Variants in WDR90 observed in about 807,000 individuals in gnomAD.
WDR90 encodes WD repeat-containing protein 90.
Under a neutral mutation model 195.2 loss-of-function variants are expected in WDR90, and 238 were observed. That is an observed-to-expected ratio of 1.22 (90% CI 1.10 to 1.36). WDR90 has a LOEUF of 1.36. Among genes scored for constraint, WDR90 ranks in the 40% most tolerant of loss-of-function variants. The probability of loss-of-function intolerance (pLI) is 0.00; values close to 1 mark genes in which losing one functional copy is unlikely to be tolerated. For missense variants in WDR90, 2,734 were observed against 2,439.5 expected, an observed-to-expected ratio of 1.12 and a Z score of -2.54; for synonymous variants, 1,265 against 1,052.4, an observed-to-expected ratio of 1.20 and a Z score of -3.91.
intron 32 of WDR90, 49 bp from the exon 33 acceptor site, chr16:662,171 G>T: frequency 6.6e-6 from 10 of 1,520,172 alleles, no homozygotes; most frequent in Non-Finnish European, 8.8e-6. Flanking sequence ...TGTGACCCAG[G>T]GCCTCTGGGA....
At chr16:653,887 C>T in intron 13 of WDR90, 84 bp downstream of exon 13, 4 of 1,522,126 alleles carry the variant, frequency 2.6e-6, no homozygotes, top group Non-Finnish European at 3.6e-6. Flanking sequence ...TCTGAAACTC[C>T]AGCTTCATGT....
Position 666,656 on chromosome 16 carries a change from A to G in WDR90, c.4885-17A>G. On this transcript the variant is annotated splice_polypyrimidine_tract_variant and intron_variant, in intron 38 of 40. Coordinates refer to ENST00000293879, the MANE Select transcript of WDR90 (RefSeq NM_145294.5). ...CGGTACCCATCCACCCCACCGCAGC[A>G]TGCTGCGCCTTTGCAGACTCAGGGC... is the stretch of plus-strand genomic sequence containing the variant. 1.2e-6 allele frequency: 2 copies of G among 1,612,116 alleles called. No individual in the cohort carries two copies. Among genetic ancestry groups the G allele is most frequent in the African/African-American group, 1.3e-5 (1 of 74,982 alleles).
chr16:662,077 G>A lies in WDR90; in HGVS notation c.4033+18G>A. On this transcript the variant is annotated intron_variant, in intron 32 of 40. Transcript: ENST00000293879. ...TGGCATTGGTGAGTGCCCCGCAGAA[G>A]CCCTGTGGCCCTCAGGACCCCTACC... is the stretch of plus-strand genomic sequence containing the variant. 1.3e-6 allele frequency: 2 copies of A among 1,595,374 alleles called. No homozygotes were observed. Among genetic ancestry groups the A allele is most frequent in the Non-Finnish European group, 1.7e-6 (2 of 1,175,976 alleles).
chr16:656,076 T>G, intron 17 of WDR90, 187 bp downstream of exon 17: 1 of 800,050 alleles, frequency 1.2e-6, no homozygotes, highest in East Asian at 2.7e-5. Context: ...CGGGGCAGCC[T>G]CACGGAAGGG....
chr16:652,069 C>A, intron 9 of WDR90, 30 bp downstream of exon 9: 1 of 1,558,354 alleles, frequency 6.4e-7, no homozygotes. Context: ...CAGGCGGGGC[C>A]TGGTGAGGTG....
Position 667,545 on chromosome 16 carries a change from G to A in WDR90, c.5203G>A (p.Ala1735Thr), listed in dbSNP as rs921647752. Residue 1735 changes from alanine (A) to threonine (T), a missense_variant, in exon 41 of 41, where the codon GCC becomes ACC. Transcript: ENST00000293879. ...ACCGTCCGCCAGGCTGCTCTTCACG[G>A]CCGCCCGCAACGAGATCCTTGTGTG... ...FTPSARLLFT[A>T]ARNEILVWEV... 4 of 1,611,430 alleles carry A rather than the reference G, an allele frequency of 2.5e-6. No individual in the cohort carries two copies. The highest frequency in any genetic ancestry group is 2.2e-5 in the East Asian group (1 of 44,888).
chr16:667,318 C>T, intron 40 of WDR90, 114 bp from the exon 41 acceptor site: 1 of 1,398,842 alleles, frequency 7.1e-7, no homozygotes, highest in Non-Finnish European at 9.5e-7. Flanking sequence ...GCCCTTTTAG[C>T]ACCAGCTCCC....
chr16:649,093 C>A (rs1010028430), upstream of WDR90: 5 of 320,656 alleles, frequency 1.6e-5, no homozygotes, highest in Non-Finnish European at 2.3e-5. Context: ...CGGCGGGAGC[C>A]CCGGCCGGCC....
At chr16:654,256 A>C in intron 13 of WDR90, 1 of 170,516 alleles carries the variant, frequency 5.9e-6, no homozygotes, top group Non-Finnish European at 1.2e-5. Context: ...CAGTGGTGCA[A>C]TCATAGCTCA....
At chr16:660,509 G>A in intron 27 of WDR90, 103 bp from the exon 28 acceptor site, 1 of 1,222,326 alleles carries the variant, frequency 8.2e-7, no homozygotes, top group Non-Finnish European at 1.2e-6. Flanking sequence ...GGTGTCCTCT[G>A]CAGCTGGCCT....
Position 651,027 on chromosome 16 carries a change from G to C in WDR90, c.592G>C (p.Val198Leu). 6.2e-7 allele frequency: 1 copy of C among 1,613,398 alleles called. No homozygotes were observed. Among genetic ancestry groups the C allele is most frequent in the South Asian group, 1.1e-5 (1 of 91,088 alleles). The change falls in exon 6 of 41, where the codon GTG (valine) becomes CTG (leucine). Residue 198 changes from valine (V) to leucine (L), a missense_variant. Val to Leu is a conservative substitution (Grantham distance 32, BLOSUM62 1). Coordinates refer to ENST00000293879, the MANE Select transcript of WDR90 (RefSeq NM_145294.5). ...TGGGGCCCAGTGGGCAAAGCTGCCCGTGACTCCTATGCCTCGGGAAATGGC... is the reference window on the plus strand; with the variant it reads ...TGGGGCCCAGTGGGCAAAGCTGCCCCTGACTCCTATGCCTCGGGAAATGGC... Reference protein sequence around the residue: ...ISGAQWAKLPVTPMPREMAFP... With the variant: ...ISGAQWAKLPLTPMPREMAFP...
chr16:653,157 C>T (rs901459582), intron 10 of WDR90, among the ~76,000 whole-genome samples, 184 bp from the exon 11 acceptor site: 2 of 152,166 alleles, frequency 1.3e-5, no homozygotes, highest in Admixed American at 6.5e-5. Flanking sequence ...GCCTGTGACT[C>T]GTGTATGTAG....
chr16:658,084 C>T (rs1019277715), intron 21 of WDR90, 99 bp from the exon 22 acceptor site: 76 of 1,497,636 alleles, frequency 5.1e-5, no homozygotes, highest in Non-Finnish European at 6.3e-5. Flanking sequence ...GCCTGGGTGC[C>T]GAGTGCGTGT....
rs373445137 is a variant in WDR90 at position 651,235 on chromosome 16, G to A, written c.705G>A (p.Pro235=). The A allele has an allele frequency of 1.3e-5, 21 of 1,613,124 alleles. No individual in the cohort carries two copies. Among genetic ancestry groups the A allele is most frequent in the South Asian group, 6.6e-5 (6 of 91,084 alleles). ...AGAGCTTGAAAGTGCCTTCCAAGCC[G>A]ATTGAGAAGAGCTGTTCCCCTCCTG... ...PSESLKVPSK[P]IEKSCSPPEA... is the part of the protein sequence containing the mutation. The change falls in exon 7 of 41, where the codon CCG becomes CCA. Residue 235 remains proline, a synonymous_variant. Transcript: ENST00000293879.
In WDR90 at chr16:662,275, G is replaced by T; in HGVS notation, c.4089G>T (p.Leu1363=). ...RLVSGSSTGR[L]RLWAVGAVSE... Reference sequence around the variant, plus strand: ...TCAGCGGCAGCAGCACGGGGCGGCTGCGCCTGTGGGCCGTGGGGGCTGTGT... The same window carrying T: ...TCAGCGGCAGCAGCACGGGGCGGCTTCGCCTGTGGGCCGTGGGGGCTGTGT... Residue 1363 remains leucine, a synonymous_variant, in exon 33 of 41, where the codon CTG becomes CTT. Transcript: ENST00000293879. 1 of 1,585,638 alleles carries T rather than the reference G, an allele frequency of 6.3e-7. No homozygotes were observed.
rs540028679 is a variant in WDR90, at chr16:651,828, C to G, written c.842C>G (p.Ser281Cys). The change falls in exon 9 of 41, where the codon TCC becomes TGC. Residue 281 changes from serine (S) to cysteine (C), a missense_variant and splice_region_variant. Transcript: ENST00000293879. Reference sequence around the variant, plus strand: ...TGATGGGCACTTGTCCCCCAGCAGTCCGGCCGGGCCGCCTTGGCACCCAGG... The same window carrying G: ...TGATGGGCACTTGTCCCCCAGCAGTGCGGCCGGGCCGCCTTGGCACCCAGG... The part of the protein sequence containing the change: ...PVVQTPSPTA[S>C]GRAALAPRPF... 11 of 1,610,434 alleles carry G rather than the reference C, an allele frequency of 6.8e-6. No individual in the cohort carries two copies. The African/African-American group carries it at 8.0e-5, about 12-fold the overall frequency.
At chr16:663,381 T>G in intron 34 of WDR90, 1 of 264,818 alleles carries the variant, frequency 3.8e-6, no homozygotes, top group Non-Finnish European at 7.4e-6. Flanking sequence ...GAGGTTGCAG[T>G]GAACCAAGAT....
In WDR90 at chr16:666,810, C is replaced by T. The variant is rs770110210; in HGVS notation, c.5004+18C>T. The T allele has an allele frequency of 1.7e-5, 27 of 1,612,630 alleles. No individual in the cohort carries two copies. The highest frequency in any genetic ancestry group is 8.0e-5 in the African/African-American group (6 of 74,936). ...AGAAGCAGGTACACGCAGCTGCCCG[C>T]GTGTCACTGGGAGCCCCAGGGATCC... On this transcript the variant is annotated intron_variant, in intron 39 of 40. Transcript: ENST00000293879.
At chr16:651,136 CG>C (rs1567213956) in intron 6 of WDR90, 33 bp downstream of exon 6, 2 of 722,718 alleles carry the variant, frequency 2.8e-6, no homozygotes, top group Non-Finnish European at 4.6e-6. Context: ...AGGGAGGCCT[CG>C]GTGGTGGGAG....
Sources: allele counts gnomAD v4.1 joint callset (sites outside exome capture counted in the v4.1 genomes callset), GRCh38; gene constraint gnomAD v4.1.1; transcripts MANE v1.5; gene names NCBI Gene and HGNC (gene_info 2026-07-23, HGNC 2026-07-21).